COL28A1: variants seen among roughly 807,000 people sequenced by gnomAD.
The protein encoded by COL28A1 is collagen alpha-1(XXVIII) chain.
COL28A1 carries 161 observed loss-of-function variants against 150.2 expected under a neutral mutation model. That is an observed-to-expected ratio of 1.07 (90% CI 0.94 to 1.22). The LOEUF (loss-of-function observed/expected upper bound fraction) is 1.22. COL28A1 is among the 50% of genes most tolerant of loss of function. The pLI, the probability that COL28A1 is intolerant of heterozygous loss-of-function variation, is 0.00. For synonymous variants in COL28A1, 552 were observed against 469.7 expected (o/e 1.18, Z -2.26); for missense variants, 1,617 against 1,388.3 (o/e 1.16, Z -2.62).
At chr7:7,472,003 G>A (rs943917292) in intron 15 of COL28A1, among the ~76,000 whole-genome samples, 6 of 152,078 alleles carry the variant, frequency 3.9e-5, no homozygotes, top group African/African-American at 1.4e-4. Flanking sequence ...AGCAAAATTG[G>A]CATACAAGGA....
chr7:7,399,750 T>G (rs966097879), intron 27 of COL28A1, among the ~76,000 whole-genome samples: 3 of 152,250 alleles, frequency 2.0e-5, no homozygotes, highest in African/African-American at 7.2e-5. Flanking sequence ...AATCTGGAGC[T>G]GAGTCTAGGG....
At chr7:7,339,963 T>C in the COL28A1 span, among the ~76,000 whole-genome samples, 1 of 152,118 alleles carries the variant, frequency 6.6e-6, no homozygotes, top group Non-Finnish European at 1.5e-5. Context: ...TGCACAAATG[T>C]TGATTTGATA....
chr7:7,450,053 A>G (rs1235718757), intron 18 of COL28A1, among the ~76,000 whole-genome samples: 3 of 152,116 alleles, frequency 2.0e-5, no homozygotes, highest in Non-Finnish European at 2.9e-5. Flanking sequence ...CAAGACAAGG[A>G]GGTAATAGCA....
chr7:7,515,713 C>T (rs533440388), intron 8 of COL28A1, 101 bp downstream of exon 8: 9 of 750,792 alleles, frequency 1.2e-5, no homozygotes, highest in Admixed American at 6.6e-5. Context: ...TCCAGACTTA[C>T]AAAAATAAAG....
intron 25 of COL28A1, among the ~76,000 whole-genome samples, chr7:7,431,965 G>C (rs1785008148): frequency 6.6e-6 from 1 of 152,208 alleles, no homozygotes; most frequent in Non-Finnish European, 1.5e-5. Flanking sequence ...CTTGAGCATG[G>C]AAGAGCCATT....
At chr7:7,429,694 G>C (rs1784845494) in intron 25 of COL28A1, among the ~76,000 whole-genome samples, 1 of 152,126 alleles carries the variant, frequency 6.6e-6, no homozygotes, top group African/African-American at 2.4e-5. Context: ...TCTCCTTCCA[G>C]GGCTAGAGAA....
intron 30 of COL28A1, among the ~76,000 whole-genome samples, chr7:7,375,990 C>A (rs1781520633): frequency 6.6e-6 from 1 of 152,080 alleles, no homozygotes; most frequent in African/African-American, 2.4e-5. Context: ...TGTACTAGTT[C>A]CTGATTTTTC....
At chr7:7,445,967 T>A (rs985937077) in intron 18 of COL28A1, among the ~76,000 whole-genome samples, 3 of 152,002 alleles carry the variant, frequency 2.0e-5, no homozygotes, top group Non-Finnish European at 2.9e-5. Context: ...CAAGTGATTC[T>A]CCTGCCTCAG....
chr7:7,495,663 T>A (rs1780167738), intron 11 of COL28A1, among the ~76,000 whole-genome samples: 1 of 152,078 alleles, frequency 6.6e-6, no homozygotes, highest in African/African-American at 2.4e-5. Flanking sequence ...CCTATCAGTA[T>A]GCCTCCTAAA....
chr7:7,489,444 T>A lies in COL28A1; in HGVS notation c.1109A>T (p.Gln370Leu). ...TCCTGGAGCTCCCGGTCTTCCTTCT[T>A]GGCCTCTTTCTCCCTAAGAGAAAGA... is the stretch of plus-strand genomic sequence containing the variant. ...GQQGIKGERG[Q>L]EGRPGAPGPI... The change falls in exon 13 of 35, where the codon CAA (glutamine) becomes CTA (leucine). Residue 370 changes from glutamine to leucine, a missense_variant. Coordinates refer to ENST00000399429, the MANE Select transcript of COL28A1 (RefSeq NM_001037763.3). 7.1e-7 allele frequency: 1 copy of A among 1,413,282 alleles called. No homozygotes were observed. The highest frequency in any genetic ancestry group is 1.0e-6 in the Non-Finnish European group (1 of 996,384). The allele number at this position is 1,413,282 out of a possible 1,614,324, so 87.5% of individuals were successfully genotyped here.
chr7:7,396,188 C>T (rs1288884763), intron 27 of COL28A1, among the ~76,000 whole-genome samples: 1 of 152,156 alleles, frequency 6.6e-6, no homozygotes, highest in Admixed American at 6.5e-5. Flanking sequence ...AGTGGTCTGC[C>T]ATTTGGGTAT....
upstream of COL28A1, among the ~76,000 whole-genome samples, chr7:7,536,216 GT>G (rs943004711): frequency 6.6e-5 from 10 of 152,064 alleles, no homozygotes; most frequent in Non-Finnish European, 1.0e-4. Flanking sequence ...AATCAAAGCT[GT>G]TTTTTTAAGA....
At chr7:7,338,283 G>T in the COL28A1 span, among the ~76,000 whole-genome samples, 6 of 152,058 alleles carry the variant, frequency 3.9e-5, no homozygotes, top group African/African-American at 1.2e-4. Flanking sequence ...ATAGCTCTGG[G>T]CAGTATGGTC....
intron 27 of COL28A1, among the ~76,000 whole-genome samples, chr7:7,416,389 C>T (rs1042303724): frequency 2.6e-5 from 4 of 152,092 alleles, no homozygotes; most frequent in African/African-American, 9.7e-5. Context: ...GAAGTAGTTC[C>T]CAGATAACAA....
chr7:7,460,969 A>C (rs947616001), intron 15 of COL28A1, among the ~76,000 whole-genome samples: 4 of 152,170 alleles, frequency 2.6e-5, no homozygotes, highest in Admixed American at 2.6e-4. Flanking sequence ...AGCACTGTGA[A>C]CCTTTGCTCT....
upstream of COL28A1, among the ~76,000 whole-genome samples, chr7:7,538,962 CTTT>C (rs2115285293): frequency 6.7e-6 from 1 of 150,028 alleles, no homozygotes; most frequent in East Asian, 1.9e-4. Context: ...TTCTTTTTTT[CTTT>C]TTCTTTCTTT....
intron 33 of COL28A1, among the ~76,000 whole-genome samples, chr7:7,369,228 C>T (rs1431964598): frequency 6.6e-6 from 1 of 152,126 alleles, no homozygotes; most frequent in East Asian, 1.9e-4. Flanking sequence ...GGTCCATGCT[C>T]AGGAGGAGAT....
chr7:7,377,793 C>T (rs1781640017), intron 30 of COL28A1, among the ~76,000 whole-genome samples: 1 of 120,148 alleles, frequency 8.3e-6, no homozygotes, highest in Admixed American at 9.5e-5. Flanking sequence ...TTTGAGGTTC[C>T]TCAATAATTC....
In COL28A1 at chr7:7,358,921, A is replaced by T; in HGVS notation, c.3206-116T>A. Reference sequence around the variant, plus strand: ...TATTCTTCATGCACACTAACAAACCAAGAAAATATGGTTCTAAGTAAGTGA... The same window carrying T: ...TATTCTTCATGCACACTAACAAACCTAGAAAATATGGTTCTAAGTAAGTGA... On this transcript the variant is annotated intron_variant, in intron 34 of 34. Coordinates refer to ENST00000399429, the MANE Select transcript of COL28A1 (RefSeq NM_001037763.3). The T allele has an allele frequency of 5.0e-6, 4 of 796,464 alleles. No homozygotes were observed. In the South Asian group the frequency reaches 8.0e-5, roughly 16 times the overall value. 49.3% of individuals were successfully genotyped at this position (796,464 alleles called of 1,614,324 possible).
Sources: allele counts gnomAD v4.1 joint callset (sites outside exome capture counted in the v4.1 genomes callset), GRCh38; gene constraint gnomAD v4.1.1; transcripts MANE v1.5; gene names NCBI Gene and HGNC (gene_info 2026-07-23, HGNC 2026-07-21).